Variants in SPTAN1 observed in about 807,000 individuals in gnomAD.
SPTAN1 encodes spectrin alpha, non-erythrocytic 1, also known as spectrin alpha chain, non-erythrocytic 1.
Under a neutral mutation model 331.3 loss-of-function variants are expected in SPTAN1, and 61 were observed. The ratio of observed to expected loss-of-function variants is 0.18; its 90% CI spans 0.15 to 0.23. The LOEUF (loss-of-function observed/expected upper bound fraction) is 0.23. SPTAN1 is among the 10% of genes least tolerant of loss of function. The pLI is 1.00. For missense variants in SPTAN1, 2,043 were observed against 3,147.9 expected (o/e 0.65, Z 8.40); for synonymous variants, 1,153 against 1,173.9 (o/e 0.98, Z 0.36).
intron 43 of SPTAN1, 86 bp downstream of exon 43, chr9:128,618,194 C>G: frequency 6.3e-7 from 1 of 1,579,440 alleles, no homozygotes; most frequent in Non-Finnish European, 8.6e-7. Context: ...GTCCAGTGGG[C>G]CCTCCTACTG....
intron 31 of SPTAN1, 37 bp downstream of exon 31, chr9:128,605,514 G>T: frequency 6.2e-7 from 1 of 1,613,286 alleles, no homozygotes; most frequent in South Asian, 1.1e-5. Flanking sequence ...CTGGAACATA[G>T]AGCCTTCTTT....
In SPTAN1 at chr9:128,625,090, C is replaced by A. The variant is rs1376477131; in HGVS notation, c.5993-13C>A. The A allele has an allele frequency of 6.2e-7, 1 of 1,613,818 alleles. No individual in the cohort carries two copies. Among genetic ancestry groups the A allele is most frequent in the East Asian group, 2.2e-5 (1 of 44,880 alleles). The stretch of plus-strand genomic sequence containing the variant: ...TGAGGAGGGCAGTATATTTTCCACA[C>A]TTCGTTTTCTAGGTGAAAAGGAGAA... On this transcript the variant is annotated splice_polypyrimidine_tract_variant and intron_variant, in intron 46 of 56. Transcript: ENST00000372739. This position sits in a 1 kb window ranked among gnomAD's most constrained non-coding sequence, Gnocchi z 4.1.
chr9:128,613,551 A>G, intron 40 of SPTAN1, 66 bp downstream of exon 40: 2 of 1,329,344 alleles, frequency 1.5e-6, no homozygotes, highest in Non-Finnish European at 2.2e-6. Flanking sequence ...TCCTAAGGAA[A>G]ACAAGCGTGT....
chr9:128,625,692 G>A lies in SPTAN1; in HGVS notation c.6070-77G>A, dbSNP rs1858629793. On this transcript the variant is annotated intron_variant, in intron 47 of 56. Transcript: ENST00000372739. The surrounding 1 kb of genome is among the most constrained non-coding windows in gnomAD (Gnocchi z 4.1). ...GGCTTGGGCATCTGGGGGACATGCT[G>A]GTGCCATCTGAGCCTAGGAAGAGCA... is the stretch of plus-strand genomic sequence containing the variant. 7 of 1,398,826 alleles carry A rather than the reference G, an allele frequency of 5.0e-6. No homozygotes were observed. Among genetic ancestry groups the A allele is most frequent in the Non-Finnish European group, 4.0e-6 (4 of 992,612 alleles). 86.7% of individuals were successfully genotyped at this position (1,398,826 alleles called of 1,614,324 possible).
intron 22 of SPTAN1, 86 bp from the exon 23 acceptor site, chr9:128,592,897 T>C (rs1346886460): frequency 2.4e-6 from 3 of 1,248,646 alleles, no homozygotes; most frequent in Non-Finnish European, 3.4e-6. Context: ...TCCACCATCA[T>C]GGCACCAGTC....
In SPTAN1 at chr9:128,629,061, G is replaced by T. The variant is rs1180241338; in HGVS notation, c.6707+1119G>T. ...GCCAGCTTGGGCTTTGTGTGTGTCT[G>T]TTGCAGTGTGCTCTTGCCTCCCCTC... is the stretch of plus-strand genomic sequence containing the variant. On this transcript the variant is annotated intron_variant, in intron 51 of 56. Transcript: ENST00000372739. The surrounding 1 kb of genome is among the most constrained non-coding windows in gnomAD (Gnocchi z 4.9). 2.5e-6 allele frequency: 1 copy of T among 398,584 alleles called. No individual in the cohort carries two copies. 24.7% of individuals were successfully genotyped at this position (398,584 alleles called of 1,614,324 possible). A position where few individuals can be genotyped will look rare whatever the true frequency, so the allele number is the denominator to read the frequency against.
At chr9:128,575,949 G>T (rs921578897) in intron 5 of SPTAN1, among the ~76,000 whole-genome samples, 39 of 152,258 alleles carry the variant, frequency 2.6e-4, no homozygotes, top group Admixed American at 2.5e-3. Flanking sequence ...TTGATTTGGG[G>T]GGTACAAATT....
chr9:128,582,236 G>A (rs190969635), intron 12 of SPTAN1, among the ~76,000 whole-genome samples: 3 of 152,244 alleles, frequency 2.0e-5, no homozygotes, highest in Non-Finnish European at 4.4e-5. Flanking sequence ...CCAGGAGATC[G>A]TGCCACAACT....
At position 128,633,341 on chromosome 9, in the gene SPTAN1, C is replaced by A; in HGVS notation, c.*7C>A. 1.9e-6 allele frequency: 3 copies of A among 1,613,742 alleles called. No homozygotes were observed. The highest frequency in any genetic ancestry group is 2.5e-6 in the Non-Finnish European group (3 of 1,180,028). On this transcript the variant is annotated 3_prime_UTR_variant, in exon 57 of 57. Coordinates refer to ENST00000372739, the MANE Select transcript of SPTAN1 (RefSeq NM_001130438.3). ...CTCGCTTTTCGTGAACTGAGCCACT[C>A]CCTGGGTCACCCACCCCTCGCTGCT...
intron 1 of SPTAN1, among the ~76,000 whole-genome samples, chr9:128,558,128 T>C (rs1003484412): frequency 6.6e-6 from 1 of 152,140 alleles, no homozygotes; most frequent in Non-Finnish European, 1.5e-5. Flanking sequence ...CTAGCCAAGA[T>C]TCATATATTC....
intron 27 of SPTAN1, 53 bp from the exon 28 acceptor site, chr9:128,603,490 T>G: frequency 3.1e-6 from 5 of 1,607,048 alleles, no homozygotes; most frequent in South Asian, 1.1e-5. Flanking sequence ...AGCTCAGATC[T>G]CTAATTGCCA....
Position 128,609,660 on chromosome 9 carries a change from C to G in SPTAN1, c.4768C>G (p.Leu1590Val). ...KDPTNIQLSK[L>V]LSKHQKHQAF... ...TAATCTGTTTTTGTAGCTTTCCAAG[C>G]TGCTGGTAAGTTTTTAATTTTTTTA... The change falls in exon 37 of 57, where the codon CTG (leucine) becomes GTG (valine). Residue 1590 changes from leucine (L) to valine (V), a missense_variant. Physicochemically the swap from Leu to Val is conservative, Grantham distance 32. This residue lies in a region of SPTAN1 where 323 missense variants were observed against 581.1 expected (regional missense o/e 0.56). Coordinates refer to ENST00000372739, the MANE Select transcript of SPTAN1 (RefSeq NM_001130438.3). The G allele has an allele frequency of 6.6e-7, 1 of 1,523,442 alleles. No individual in the cohort carries two copies. Among genetic ancestry groups the G allele is most frequent in the Non-Finnish European group, 8.8e-7 (1 of 1,138,026 alleles). 94.4% of individuals were successfully genotyped at this position (1,523,442 alleles called of 1,614,324 possible).
intron 2 of SPTAN1, among the ~76,000 whole-genome samples, chr9:128,567,765 C>G (rs189529449): frequency 5.0e-4 from 73 of 147,118 alleles, no homozygotes; most frequent in Admixed American, 8.2e-4. Flanking sequence ...ATATTTAAAA[C>G]TTTTTTTTTT....
At chr9:128,562,992 G>GTATATATA (rs1168781290) in intron 1 of SPTAN1, among the ~76,000 whole-genome samples, 46 of 3,094 alleles carry the variant, frequency 0.015, no homozygotes, top group African/African-American at 0.017. Flanking sequence ...ACATGTATGT[G>GTATATATA]TATATATATA....
intron 27 of SPTAN1, 93 bp downstream of exon 27, chr9:128,600,208 T>G: frequency 2.2e-6 from 3 of 1,389,228 alleles, no homozygotes; most frequent in Non-Finnish European, 2.0e-6. Context: ...AATATTCAGC[T>G]TAAGTCTTTA....
At chr9:128,555,385 A>G in intron 1 of SPTAN1, 3 of 1,289,694 alleles carry the variant, frequency 2.3e-6, no homozygotes, top group Non-Finnish European at 3.0e-6. Flanking sequence ...ATCGTTTCGT[A>G]AACGCAGAGT....
chr9:128,633,617 A>G lies in SPTAN1; in HGVS notation c.*283A>G, dbSNP rs893217827. On this transcript the variant is annotated 3_prime_UTR_variant, in exon 57 of 57. Coordinates refer to ENST00000372739, the MANE Select transcript of SPTAN1 (RefSeq NM_001130438.3). ...TTGTTCTCTCTCCCACCCTCCCCCA[A>G]ATCTGTTTTCATGTAAAAGACAAAT... 40 of 1,253,482 alleles carry G rather than the reference A, an allele frequency of 3.2e-5. No individual in the cohort carries two copies. The Admixed American group carries it at 7.9e-4, about 25-fold the overall frequency. 77.6% of individuals were successfully genotyped at this position (1,253,482 alleles called of 1,614,324 possible). A position where few individuals can be genotyped will look rare whatever the true frequency, so the allele number is the denominator to read the frequency against.
chr9:128,604,390 G>A lies in SPTAN1; in HGVS notation c.3692G>A (p.Ser1231Asn). ...GAGGAACGGAGCCAGCTCTTGGGCA[G>A]CGCCCATGAAGTACAGAGGTTCCAC... ...LAEERSQLLG[S>N]AHEVQRFHRD... The change falls in exon 29 of 57, where the codon AGC becomes AAC. Residue 1231 changes from serine to asparagine, a missense_variant. This residue lies in a region of SPTAN1 where 1,038 missense variants were observed against 1,531.5 expected (regional missense o/e 0.68). Coordinates refer to ENST00000372739, the MANE Select transcript of SPTAN1 (RefSeq NM_001130438.3). 2 of 1,613,906 alleles carry A rather than the reference G, an allele frequency of 1.2e-6. No homozygotes were observed. Among genetic ancestry groups the A allele is most frequent in the Non-Finnish European group, 1.7e-6 (2 of 1,179,912 alleles).
intron 18 of SPTAN1, among the ~76,000 whole-genome samples, chr9:128,585,281 G>T (rs1254937442): frequency 6.6e-6 from 1 of 151,932 alleles, no homozygotes; most frequent in Non-Finnish European, 1.5e-5. Flanking sequence ...CACCTACCTC[G>T]GCCTCCCAAA....
Sources: gnomAD v4.1 joint callset for allele counts (sites outside exome capture counted in the v4.1 genomes callset) on GRCh38, gnomAD v4.1.1 for gene constraint, gnomAD v4.1.1 regional missense constraint, Gnocchi (gnomAD v3.1) non-coding constraint, MANE v1.5 for transcripts, NCBI Gene and HGNC (gene_info 2026-07-23, HGNC 2026-07-21) for gene names.